The following QPRT variants were observed in gnomAD, a reference collection of about 807,000 sequenced individuals.
QPRT encodes the protein nicotinate-nucleotide pyrophosphorylase [carboxylating].
A neutral mutation model predicts 19.8 loss-of-function variants in QPRT; 17 were observed. The observed-to-expected ratio is 0.86, with a 90% CI of 0.59 to 1.29. The LOEUF (loss-of-function observed/expected upper bound fraction) is 1.29. QPRT is among the 50% of genes most tolerant of loss of function. The probability of loss-of-function intolerance (pLI) is 0.00; values close to 1 mark genes in which losing one functional copy is unlikely to be tolerated. For missense variants in QPRT, 336 were observed against 405.1 expected (o/e 0.83, Z 1.46); for synonymous variants, 178 against 191.0 (o/e 0.93, Z 0.56).
At chr16:29,684,225 C>T (rs1967095524) in intron 1 of QPRT, among the ~76,000 whole-genome samples, 4 of 152,028 alleles carry the variant, frequency 2.6e-5, no homozygotes. Context: ...ACTCAAGCCG[C>T]AGCCTCCCGA....
At position 29,694,670 on chromosome 16, in the gene QPRT, C is replaced by CGCT; in HGVS notation, c.29_31dup (p.Leu10dup). On this transcript the variant is annotated inframe_insertion, in exon 2 of 4. Transcript: ENST00000395384. ...TGTTCTCTCTTCCCCCCAGGCCTGG[C>CGCT]GCTGCTGCTGCCGCCCGTCACCCTG... 1.3e-6 allele frequency: 2 copies of CGCT among 1,542,466 alleles called. No individual in the cohort carries two copies. The highest frequency in any genetic ancestry group is 8.7e-7 in the Non-Finnish European group (1 of 1,144,114).
chr16:29,680,991 C>T (rs1184465396), intron 1 of QPRT, among the ~76,000 whole-genome samples: 2 of 151,820 alleles, frequency 1.3e-5, no homozygotes, highest in Non-Finnish European at 2.9e-5. Flanking sequence ...GTGGGGAGGA[C>T]AGAGGATGGG....
chr16:29,685,079 G>C (rs1413774120), intron 1 of QPRT, among the ~76,000 whole-genome samples: 1 of 152,210 alleles, frequency 6.6e-6, no homozygotes, highest in Non-Finnish European at 1.5e-5. Context: ...AATTCTGGTA[G>C]ATCCCCTTTT....
At position 29,694,264 on chromosome 16, in the gene QPRT, G is replaced by A. The variant is rs1055816036; in HGVS notation, c.14-400G>A. On this transcript the variant is annotated intron_variant, in intron 1 of 3. Transcript: ENST00000395384. Reference sequence around the variant, plus strand: ...CTCTGGAGTCGCTGGGACTACAGGCGCCCGCCACCAAGCCTGGCTAATTTT... The same window carrying A: ...CTCTGGAGTCGCTGGGACTACAGGCACCCGCCACCAAGCCTGGCTAATTTT... 4.6e-5 allele frequency among the ~76,000 whole-genome samples: 7 copies of A among 151,966 alleles called. No homozygotes were observed. In the South Asian group the frequency reaches 1.5e-3, roughly 32 times the overall value.
Position 29,697,274 on chromosome 16 carries a change from C to G in QPRT, c.757C>G (p.Leu253Val). The change falls in exon 4 of 4, where the codon CTG (leucine) becomes GTG (valine). Residue 253 changes from leucine (L) to valine (V), a missense_variant. Coordinates refer to ENST00000395384, the MANE Select transcript of QPRT (RefSeq NM_014298.6). This position sits in a 1 kb window ranked among gnomAD's most constrained non-coding sequence, Gnocchi z 4.4. Reference protein sequence around the residue: ...VAVEASGGITLDNLPQFCGPH... With the variant: ...VAVEASGGITVDNLPQFCGPH... ...TGTGGAAGCCAGTGGGGGCATCACC[C>G]TGGACAACCTCCCCCAGTTCTGCGG... The G allele has an allele frequency of 2.5e-6, 4 of 1,614,174 alleles. No individual in the cohort carries two copies. Among genetic ancestry groups the G allele is most frequent in the Non-Finnish European group, 3.4e-6 (4 of 1,180,010 alleles).
chr16:29,688,785 T>C (rs1373941105), intron 1 of QPRT, among the ~76,000 whole-genome samples: 2 of 150,276 alleles, frequency 1.3e-5, no homozygotes, highest in Non-Finnish European at 3.0e-5. Flanking sequence ...TTATTCTCTT[T>C]TTTTTTTTTT....
chr16:29,697,002 C>T lies in QPRT; in HGVS notation c.556C>T (p.Arg186Trp), dbSNP rs764508804. Residue 186 changes from arginine (R) to tryptophan (W), a missense_variant, in exon 3 of 4, where the codon CGG becomes TGG. Transcript: ENST00000395384. This position sits in a 1 kb window ranked among gnomAD's most constrained non-coding sequence, Gnocchi z 4.4. The part of the protein sequence containing the change: ...VAAGGVEKAV[R>W]AARQAADFTL... The stretch of plus-strand genomic sequence containing the variant: ...CCTCCCGGCTGCCCAGCAGGCGGTG[C>T]GGGCGGCCAGACAGGCGGCTGACTT... 2.5e-5 allele frequency: 40 copies of T among 1,602,214 alleles called. No homozygotes were observed. The highest frequency in any genetic ancestry group is 6.7e-5 in the Admixed American group (4 of 59,310).
intron 1 of QPRT, among the ~76,000 whole-genome samples, chr16:29,690,370 A>G (rs1363836922): frequency 1.1e-4 from 16 of 152,208 alleles, no homozygotes; most frequent in Non-Finnish European, 1.5e-5. Flanking sequence ...CTTTGGGTAT[A>G]TACCCAGTAA....
chr16:29,688,925 C>A (rs1350204121), intron 1 of QPRT, among the ~76,000 whole-genome samples: 1 of 150,968 alleles, frequency 6.6e-6, no homozygotes, highest in Non-Finnish European at 1.5e-5. Flanking sequence ...GGACTACAGG[C>A]GCACACCACC....
Position 29,694,976 on chromosome 16 carries a change from C to A in QPRT, c.326C>A (p.Ala109Asp). ...GAACGGGTGGCCCTCAACACGCTGGCCCGCTGCAGTGGCATTGCCAGTGCT... is the reference window on the plus strand; with the variant it reads ...GAACGGGTGGCCCTCAACACGCTGGACCGCTGCAGTGGCATTGCCAGTGCT... ...LGERVALNTL[A>D]RCSGIASAAA... The change falls in exon 2 of 4, where the codon GCC becomes GAC. Residue 109 changes from alanine to aspartate, a missense_variant. Ala to Asp is a moderately radical substitution (Grantham distance 126). Coordinates refer to ENST00000395384, the MANE Select transcript of QPRT (RefSeq NM_014298.6). The A allele has an allele frequency of 6.2e-7, 1 of 1,607,852 alleles. No homozygotes were observed. The highest frequency in any genetic ancestry group is 1.1e-5 in the South Asian group (1 of 90,998).
rs1256980442 is a variant in QPRT, at chr16:29,695,208, C to T, written c.549+9C>T. ...CCGGTGGCGTGGAGAAGGTGCTGGT[C>T]CTGCCTGTCCCTGGTCCAACCCCAC... On this transcript the variant is annotated intron_variant, in intron 2 of 3. Transcript: ENST00000395384. The T allele has an allele frequency of 1.9e-5, 29 of 1,523,176 alleles. No homozygotes were observed. Among genetic ancestry groups the T allele is most frequent in the Middle Eastern group, 4.1e-4 (2 of 4,936 alleles). The allele number at this position is 1,523,176 out of a possible 1,614,324, so 94.4% of individuals were successfully genotyped here.
At chr16:29,679,171 C>A, upstream of QPRT, 4 of 1,613,870 alleles carry the variant, frequency 2.5e-6, no homozygotes, top group Non-Finnish European at 3.4e-6. Context: ...GCAGCCAACA[C>A]ACCAGCCCAG....
At chr16:29,694,201 C>T (rs528934768) in intron 1 of QPRT, among the ~76,000 whole-genome samples, 2 of 151,804 alleles carry the variant, frequency 1.3e-5, no homozygotes, top group Admixed American at 1.3e-4. Context: ...TCACTGCAAG[C>T]TCCACCTCCC....
At position 29,694,971 on chromosome 16, in the gene QPRT, G is replaced by C. The variant is rs761597812; in HGVS notation, c.321G>C (p.Thr107=). The C allele has an allele frequency of 6.2e-7, 1 of 1,608,136 alleles. No homozygotes were observed. The highest frequency in any genetic ancestry group is 8.5e-7 in the Non-Finnish European group (1 of 1,179,366). The change falls in exon 2 of 4, where the codon ACG becomes ACC. Residue 107 remains threonine (T), a synonymous_variant. Transcript: ENST00000395384. ...TGGGGGAACGGGTGGCCCTCAACAC[G>C]CTGGCCCGCTGCAGTGGCATTGCCA... is the stretch of plus-strand genomic sequence containing the variant. ...LLLGERVALN[T]LARCSGIASA...
chr16:29,679,296 T>C, intron 1 of QPRT, 86 bp downstream of exon 1: 3 of 1,042,728 alleles, frequency 2.9e-6, no homozygotes, highest in South Asian at 1.4e-5. Flanking sequence ...CTCAGCCCCT[T>C]GTTGCCTCCT....
chr16:29,697,078 C>G lies in QPRT; in HGVS notation c.632C>G (p.Ala211Gly). Residue 211 changes from alanine to glycine, a missense_variant, in exon 3 of 4, where the codon GCA (alanine) becomes GGA (glycine). Physicochemically the swap from Ala to Gly is moderately conservative, Grantham distance 60 (BLOSUM62 0). Transcript: ENST00000395384. This position sits in a 1 kb window ranked among gnomAD's most constrained non-coding sequence, Gnocchi z 4.4. ...ECSSLQEAVQ[A>G]AEAGADLVLL... ...AGCAGCCTGCAGGAGGCCGTGCAGG[C>G]AGCTGAGGCTGGTGCCGACCTTGTC... The G allele has an allele frequency of 6.2e-7, 1 of 1,611,824 alleles. No homozygotes were observed. Among genetic ancestry groups the G allele is most frequent in the Non-Finnish European group, 8.5e-7 (1 of 1,179,006 alleles).
At chr16:29,683,479 C>G (rs2142297264) in intron 1 of QPRT, among the ~76,000 whole-genome samples, 1 of 152,122 alleles carries the variant, frequency 6.6e-6, no homozygotes, top group Admixed American at 6.5e-5. Context: ...CTTCAGCCTT[C>G]TGAATAGCTA....
At chr16:29,685,597 G>A (rs970168899) in intron 1 of QPRT, among the ~76,000 whole-genome samples, 11 of 152,114 alleles carry the variant, frequency 7.2e-5, no homozygotes, top group African/African-American at 2.7e-4. Flanking sequence ...CCTACTTTTT[G>A]TCTGGCCAAG....
intron 1 of QPRT, among the ~76,000 whole-genome samples, chr16:29,691,832 G>A (rs1323062187): frequency 6.6e-6 from 1 of 152,204 alleles, no homozygotes; most frequent in Non-Finnish European, 1.5e-5. Context: ...ATGTGGCGAA[G>A]GAGAGCCGGG....
Sources: gnomAD v4.1 joint callset for allele counts (sites outside exome capture counted in the v4.1 genomes callset) on GRCh38, gnomAD v4.1.1 for gene constraint, Gnocchi (gnomAD v3.1) non-coding constraint, MANE v1.5 for transcripts, NCBI Gene and HGNC (gene_info 2026-07-23, HGNC 2026-07-21) for gene names.